SPEG: variants seen among roughly 807,000 people sequenced by gnomAD.
The protein encoded by SPEG is striated muscle preferentially expressed protein kinase.
Under a neutral mutation model 300.4 loss-of-function variants are expected in SPEG, and 114 were observed. The ratio of observed to expected loss-of-function variants is 0.38; its 90% CI spans 0.33 to 0.44. The LOEUF (loss-of-function observed/expected upper bound fraction) is 0.44, where lower values mean the gene tolerates loss of function less well. Among genes scored for constraint, SPEG ranks in the 20% least tolerant of loss-of-function variants. The pLI is 1.00. For synonymous variants in SPEG, 1,964 were observed against 2,018.9 expected, an observed-to-expected ratio of 0.97 and a Z score of 0.73; for missense variants, 4,201 against 4,586.2, an observed-to-expected ratio of 0.92 and a Z score of 2.43.
rs71040459 is a variant in SPEG at position 219,463,392 on chromosome 2, ATTTTTTTTTTTTTTTTTTTTTTT to A, written c.2705+1022_2706-1003del. Among the ~76,000 whole-genome samples, 44 of 23,944 alleles carry A rather than the reference ATTTTTTTTTTTTTTTTTTTTTTT, an allele frequency of 1.8e-3. 1 individual carries two copies. The highest frequency in any genetic ancestry group is 6.0e-3 in the Admixed American group (9 of 1,488). The allele number at this position is 23,944 out of a possible 152,430, so 15.7% of individuals were successfully genotyped here. A position where few individuals can be genotyped will look rare whatever the true frequency, so the allele number is the denominator to read the frequency against. ...AATTGATTGTCTGGTCCCCACTGTG[ATTTTTTTTTTTTTTTTTTTTTTT>A]TTTTTTTTTTTTTTTAGCTGGAGTT... is the stretch of plus-strand genomic sequence containing the variant. On this transcript the variant is annotated intron_variant, in intron 8 of 40. Transcript: ENST00000312358.
chr2:219,475,964 T>C (rs1443663258), intron 18 of SPEG, among the ~76,000 whole-genome samples: 1 of 144,668 alleles, frequency 6.9e-6, no homozygotes, highest in Admixed American at 6.8e-5. Context: ...CCGGCCGCCC[T>C]GCCTTCCCAA....
intron 32 of SPEG, 39 bp from the exon 33 acceptor site, chr2:219,488,459 C>A (rs1271409754): frequency 6.5e-7 from 1 of 1,543,492 alleles, no homozygotes; most frequent in Admixed American, 1.9e-5. Context: ...ACATGTGCTG[C>A]CTCACTCAGC....
Position 219,472,998 on chromosome 2 carries a change from G to C in SPEG, c.4049G>C (p.Arg1350Pro). The C allele has an allele frequency of 6.2e-7, 1 of 1,614,022 alleles. No individual in the cohort carries two copies. Among genetic ancestry groups the C allele is most frequent in the South Asian group, 1.1e-5 (1 of 91,086 alleles). The change falls in exon 16 of 41, where the codon CGT becomes CCT. Residue 1350 changes from arginine (R) to proline (P), a missense_variant. Arg to Pro is a moderately radical substitution (Grantham distance 103). Around this residue, in one of 4 missense-constraint regions of SPEG, gnomAD observed 1,047 missense variants for 1,356.8 expected, o/e 0.77. Coordinates refer to ENST00000312358, the MANE Select transcript of SPEG (RefSeq NM_005876.5). ...CCAGGGTGGGCAGCCACAGGGCTGCGTAAGGGGGTCCAGCACATCTTCCGG... is the reference window on the plus strand; with the variant it reads ...CCAGGGTGGGCAGCCACAGGGCTGCCTAAGGGGGTCCAGCACATCTTCCGG... Reference protein sequence around the residue: ...REPGWAATGLRKGVQHIFRVL... With the variant: ...REPGWAATGLPKGVQHIFRVL...
At position 219,488,243 on chromosome 2, in the gene SPEG, G is replaced by T. The variant is rs1026083236; in HGVS notation, c.7791G>T (p.Glu2597Asp). ...HIKLKDQVLL[E>D]GEAATLLCLP... ...AACTCAAGGACCAGGTGCTGCTGGA[G>T]GGGGAGGCAGCCACCCTGCTCTGCC... The change falls in exon 32 of 41, where the codon GAG becomes GAT. Residue 2597 changes from glutamate (E) to aspartate (D), a missense_variant. This residue lies in a region of SPEG where 1,578 missense variants were observed against 1,506.0 expected (regional missense o/e 1.05). Coordinates refer to ENST00000312358, the MANE Select transcript of SPEG (RefSeq NM_005876.5). 1.2e-6 allele frequency: 2 copies of T among 1,613,718 alleles called. No individual in the cohort carries two copies. Among genetic ancestry groups the T allele is most frequent in the Admixed American group, 3.3e-5 (2 of 59,978 alleles).
At chr2:219,471,785 G>A (rs764385035) in intron 13 of SPEG, 83 bp from the exon 14 acceptor site, 69 of 1,563,116 alleles carry the variant, frequency 4.4e-5, no homozygotes, top group East Asian at 6.7e-5. Flanking sequence ...TGGGGGTGAG[G>A]GACCAGGCCC....
intron 31 of SPEG, among the ~76,000 whole-genome samples, chr2:219,486,641 G>C (rs979988560): frequency 2.0e-5 from 3 of 152,184 alleles, no homozygotes; most frequent in Admixed American, 2.0e-4. Context: ...CTGATTTCCT[G>C]CTGAGGCAGT....
At position 219,469,158 on chromosome 2, in the gene SPEG, C is replaced by T. The variant is rs778875841; in HGVS notation, c.3494C>T (p.Ser1165Leu). Residue 1165 changes from serine (S) to leucine (L), a missense_variant and splice_region_variant, in exon 13 of 41, where the codon TCG (serine) becomes TTG (leucine). Ser to Leu is a moderately radical substitution (Grantham distance 145). Coordinates refer to ENST00000312358, the MANE Select transcript of SPEG (RefSeq NM_005876.5). ...TGGGCAGCTGTGTGGTCTTGCAGCT[C>T]GAAGCTGGAGAAGATGCCATCCATT... Reference protein sequence around the residue: ...EPRTAASGPSSKLEKMPSIPE... With the variant: ...EPRTAASGPSLKLEKMPSIPE... 34 of 1,613,712 alleles carry T rather than the reference C, an allele frequency of 2.1e-5. No homozygotes were observed. Among genetic ancestry groups the T allele is most frequent in the Middle Eastern group, 3.3e-4 (2 of 6,062 alleles).
Position 219,451,228 on chromosome 2 carries a change from G to T in SPEG, c.2206G>T (p.Gly736Trp). 1 of 1,613,872 alleles carries T rather than the reference G, an allele frequency of 6.2e-7. No individual in the cohort carries two copies. Among genetic ancestry groups the T allele is most frequent in the Admixed American group, 1.7e-5 (1 of 60,002 alleles). Reference sequence around the variant, plus strand: ...CCTGCAGAATGTGGTGGTGGCACCAGGGGCAGATGTGCTGCTCAAGTGTAT... The same window carrying T: ...CCTGCAGAATGTGGTGGTGGCACCATGGGCAGATGTGCTGCTCAAGTGTAT... Reference protein sequence around the residue: ...IPLQNVVVAPGADVLLKCIIT... With the variant: ...IPLQNVVVAPWADVLLKCIIT... The change falls in exon 5 of 41, where the codon GGG becomes TGG. Residue 736 changes from glycine (G) to tryptophan (W), a missense_variant. Coordinates refer to ENST00000312358, the MANE Select transcript of SPEG (RefSeq NM_005876.5). The surrounding 1 kb of genome is among the most constrained non-coding windows in gnomAD (Gnocchi z 6.4).
Position 219,479,954 on chromosome 2 carries a change from T to A in SPEG, c.5164-8T>A. 6.2e-7 allele frequency: 1 copy of A among 1,614,178 alleles called. No individual in the cohort carries two copies. Among genetic ancestry groups the A allele is most frequent in the Non-Finnish European group, 8.5e-7 (1 of 1,180,006 alleles). Reference sequence around the variant, plus strand: ...TTTGGCCCGCACACCTCGCCTTGTGTCTTCCAGCCTGAGAACCTGCTGGTG... The same window carrying A: ...TTTGGCCCGCACACCTCGCCTTGTGACTTCCAGCCTGAGAACCTGCTGGTG... On this transcript the variant is annotated splice_region_variant and splice_polypyrimidine_tract_variant and intron_variant, in intron 24 of 40. Coordinates refer to ENST00000312358, the MANE Select transcript of SPEG (RefSeq NM_005876.5). The surrounding 1 kb of genome is among the most constrained non-coding windows in gnomAD (Gnocchi z 5.5).
At chr2:219,461,007 G>T in intron 6 of SPEG, 5 of 936,176 alleles carry the variant, frequency 5.3e-6, no homozygotes, top group Non-Finnish European at 6.4e-6. Context: ...GTGAGTTGGG[G>T]TACAGCCCTG....
chr2:219,466,387 T>C, intron 9 of SPEG: 1 of 1,364,968 alleles, frequency 7.3e-7, no homozygotes, highest in Middle Eastern at 2.8e-4. Context: ...GGCGAGTGCA[T>C]GTGCTACTGC....
In SPEG at chr2:219,490,622, G is replaced by C. The variant is rs908818695; in HGVS notation, c.9135G>C (p.Arg3045=). 5 of 1,611,666 alleles carry C rather than the reference G, an allele frequency of 3.1e-6. No homozygotes were observed. The highest frequency in any genetic ancestry group is 1.7e-5 in the Admixed American group (1 of 59,988). ...LVLIAESCGN[R]ELLCGLSDRF... is the part of the protein sequence containing the mutation. ...TCATTGCTGAGAGCTGTGGCAACCG[G>C]GAACTCCTCTGTGGGCTCAGTGACA... Residue 3045 remains arginine (R), a synonymous_variant, in exon 37 of 41, where the codon CGG becomes CGC. Transcript: ENST00000312358.
In SPEG at chr2:219,473,240, A is replaced by T; in HGVS notation, c.4147+144A>T. ...GGGCGGGACCTTGGCCCATCTGTAC[A>T]CTTCCTTCTCCCTCCTGAAAGCAGC... On this transcript the variant is annotated intron_variant, in intron 16 of 40. Transcript: ENST00000312358. This position sits in a 1 kb window ranked among gnomAD's most constrained non-coding sequence, Gnocchi z 4.6. 1 of 838,000 alleles carries T rather than the reference A, an allele frequency of 1.2e-6. No individual in the cohort carries two copies. The highest frequency in any genetic ancestry group is 2.7e-5 in the East Asian group (1 of 37,478). The allele number at this position is 838,000 out of a possible 1,614,324, so 51.9% of individuals were successfully genotyped here. A position where few individuals can be genotyped will look rare whatever the true frequency, so the allele number is the denominator to read the frequency against.
chr2:219,436,799 A>C (rs1031133895), intron 1 of SPEG, among the ~76,000 whole-genome samples: 1 of 152,142 alleles, frequency 6.6e-6, no homozygotes, highest in Non-Finnish European at 1.5e-5. Flanking sequence ...GATGGGGTGC[A>C]TTCTAGCAGA....
At chr2:219,461,033 G>A (rs1200485516) in intron 6 of SPEG, 5 of 970,270 alleles carry the variant, frequency 5.2e-6, no homozygotes, top group Non-Finnish European at 6.1e-6. Flanking sequence ...GGCTTGGGGT[G>A]GGGGGACCCT....
rs776629067 is a variant in SPEG at position 219,488,919 on chromosome 2, G to A, written c.8149+19G>A. The A allele has an allele frequency of 1.9e-6, 3 of 1,585,484 alleles. No homozygotes were observed. Among genetic ancestry groups the A allele is most frequent in the African/African-American group, 2.7e-5 (2 of 74,272 alleles). On this transcript the variant is annotated intron_variant, in intron 34 of 40. Transcript: ENST00000312358. ...GTGGATGGTGAGGATGGGGCAGCTGGAGGGTTGGGGGAGCGGCAGGGGGAG... is the reference window on the plus strand; with the variant it reads ...GTGGATGGTGAGGATGGGGCAGCTGAAGGGTTGGGGGAGCGGCAGGGGGAG...
At position 219,451,313 on chromosome 2, in the gene SPEG, G is replaced by A. The variant is rs764658436; in HGVS notation, c.2257+34G>A. On this transcript the variant is annotated intron_variant, in intron 5 of 40. Transcript: ENST00000312358. The surrounding 1 kb of genome is among the most constrained non-coding windows in gnomAD (Gnocchi z 6.4). ...CAGCACTGGGCCAAGGTGCGGTCGAGGTTGGGAGGGGGTGTGTGAGAAGGG... is the reference window on the plus strand; with the variant it reads ...CAGCACTGGGCCAAGGTGCGGTCGAAGTTGGGAGGGGGTGTGTGAGAAGGG... The A allele has an allele frequency of 9.5e-6, 15 of 1,573,562 alleles. No homozygotes were observed. The highest frequency in any genetic ancestry group is 1.9e-5 in the Admixed American group (1 of 53,904).
intron 18 of SPEG, 37 bp from the exon 19 acceptor site, chr2:219,476,832 GC>G: frequency 6.5e-7 from 1 of 1,534,702 alleles, no homozygotes. Flanking sequence ...CCAGCCCCTA[GC>G]CCCTTCTCTT....
intron 40 of SPEG, 60 bp downstream of exon 40, chr2:219,492,320 C>G: frequency 1.3e-6 from 2 of 1,545,454 alleles, no homozygotes; most frequent in Non-Finnish European, 1.8e-6. Context: ...TGGCCTGTGC[C>G]AGAGATCTCC....
Sources: allele counts gnomAD v4.1 joint callset (sites outside exome capture counted in the v4.1 genomes callset), GRCh38; gene constraint gnomAD v4.1.1; regional missense constraint gnomAD v4.1.1; non-coding constraint Gnocchi (gnomAD v3.1); transcripts MANE v1.5; gene names NCBI Gene and HGNC (gene_info 2026-07-23, HGNC 2026-07-21).